Variants in NAA16 observed in about 807,000 individuals in gnomAD.
NAA16 encodes the protein N-alpha-acetyltransferase 16, NatA auxiliary subunit, also known as NARG1-like protein.
In NAA16, 97 loss-of-function variants were observed where a neutral mutation model predicts 110.3. That is an observed-to-expected ratio of 0.88 (90% CI 0.75 to 1.04). The LOEUF (loss-of-function observed/expected upper bound fraction) is 1.04, where lower values mean the gene tolerates loss of function less well. Ranked by LOEUF, NAA16 falls within the 50% of genes least tolerant of loss-of-function variation. NAA16 has a pLI of 0.00. For synonymous variants in NAA16, 372 were observed against 330.6 expected (o/e 1.13, Z -1.36); for missense variants, 1,017 against 1,005.1 (o/e 1.01, Z -0.16).
Position 41,311,492 on chromosome 13 carries a change from C to G in NAA16, c.-37C>G. ...CGAAGCGGAGCGCCCGGGCACCTAG[C>G]CTCCCTGCCGGCCACCTAGCCTCCC... On this transcript the variant is annotated 5_prime_UTR_variant, in exon 1 of 20. Coordinates refer to ENST00000379406, the MANE Select transcript of NAA16 (RefSeq NM_024561.5). 4 of 1,570,424 alleles carry G rather than the reference C, an allele frequency of 2.5e-6. No individual in the cohort carries two copies. The highest frequency in any genetic ancestry group is 3.5e-6 in the Non-Finnish European group (4 of 1,158,256).
intron 6 of NAA16, among the ~76,000 whole-genome samples, chr13:41,327,270 C>G (rs1393158618): frequency 6.6e-6 from 1 of 151,990 alleles, no homozygotes; most frequent in Admixed American, 6.6e-5. Flanking sequence ...ATTCTGGTTT[C>G]TATCTTGTTC....
chr13:41,324,088 T>C (rs1268601281), intron 5 of NAA16, among the ~76,000 whole-genome samples: 1 of 152,218 alleles, frequency 6.6e-6, no homozygotes, highest in Non-Finnish European at 1.5e-5. Context: ...GTATCTTCTA[T>C]TTATGGGTTT....
At chr13:41,357,566 A>G (rs2043018898) in intron 10 of NAA16, among the ~76,000 whole-genome samples, 1 of 152,118 alleles carries the variant, frequency 6.6e-6, no homozygotes, top group Non-Finnish European at 1.5e-5. Flanking sequence ...TATGCTAGGA[A>G]ACCTGTTTGT....
At chr13:41,374,455 G>C (rs1335185944) in intron 18 of NAA16, 1 of 219,358 alleles carries the variant, frequency 4.6e-6, no homozygotes, top group Non-Finnish European at 9.0e-6. Flanking sequence ...TTGAGTCACT[G>C]TCCATCTGAT....
At chr13:41,349,702 C>T (rs8001452) in intron 9 of NAA16, among the ~76,000 whole-genome samples, 108,532 of 151,938 alleles carry the variant, frequency 0.71, 41,151 homozygotes, top group South Asian at 0.9. Context: ...TGGTGGCTCA[C>T]GCCTGTAATA....
chr13:41,358,217 A>G, intron 10 of NAA16, 87 bp from the exon 11 acceptor site: 1 of 1,115,066 alleles, frequency 9.0e-7, no homozygotes, highest in South Asian at 1.5e-5. Flanking sequence ...TTATTGCAAT[A>G]GTCATTTCAT....
rs1351325294 is a variant in NAA16 at position 41,375,703 on chromosome 13, G to T, written c.*101G>T. 12 of 904,296 alleles carry T rather than the reference G, an allele frequency of 1.3e-5. No homozygotes were observed. The highest frequency in any genetic ancestry group is 2.5e-4 in the Middle Eastern group (1 of 4,002). The allele number at this position is 904,296 out of a possible 1,614,324, so 56.0% of individuals were successfully genotyped here. A position where few individuals can be genotyped will look rare whatever the true frequency, so the allele number is the denominator to read the frequency against. On this transcript the variant is annotated 3_prime_UTR_variant, in exon 20 of 20. Transcript: ENST00000379406. ...ATATACGTATGAAATGAAATATTTG[G>T]TTAGGATTTTTAAATGGCATATTCT... is the stretch of plus-strand genomic sequence containing the variant.
chr13:41,339,283 G>A (rs2042467411), intron 9 of NAA16, among the ~76,000 whole-genome samples: 1 of 152,050 alleles, frequency 6.6e-6, no homozygotes, highest in Admixed American at 6.6e-5. Flanking sequence ...GGGATTACAG[G>A]CATGTGCCAC....
chr13:41,339,238 C>A (rs2042465858), intron 9 of NAA16, among the ~76,000 whole-genome samples: 1 of 152,090 alleles, frequency 6.6e-6, no homozygotes, highest in Admixed American at 6.5e-5. Flanking sequence ...CCTCCCAATT[C>A]AAGCAAATCT....
Position 41,311,733 on chromosome 13 carries a change from C to G in NAA16, c.54+151C>G, listed in dbSNP as rs996840496. On this transcript the variant is annotated intron_variant, in intron 1 of 19. Transcript: ENST00000379406. ...CTCGGAGGTCGCGGGACCCCACTTT[C>G]CCGCTCCGGCCGGCCCACGGGGGCT... is the stretch of plus-strand genomic sequence containing the variant. 4 of 711,118 alleles carry G rather than the reference C, an allele frequency of 5.6e-6. No individual in the cohort carries two copies. The African/African-American group carries it at 5.7e-5, about 10-fold the overall frequency. The allele number at this position is 711,118 out of a possible 1,614,324, so 44.1% of individuals were successfully genotyped here. A position where few individuals can be genotyped will look rare whatever the true frequency, so the allele number is the denominator to read the frequency against.
chr13:41,365,834 C>T (rs2043197291), intron 13 of NAA16, among the ~76,000 whole-genome samples: 1 of 152,162 alleles, frequency 6.6e-6, no homozygotes, highest in Non-Finnish European at 1.5e-5. Flanking sequence ...AAATCTCTGT[C>T]TATTAATGCT....
chr13:41,375,714 T>A lies in NAA16; in HGVS notation c.*112T>A. 1 of 771,938 alleles carries A rather than the reference T, an allele frequency of 1.3e-6. No homozygotes were observed. Among genetic ancestry groups the A allele is most frequent in the Non-Finnish European group, 2.0e-6 (1 of 497,144 alleles). The allele number at this position is 771,938 out of a possible 1,614,324, so 47.8% of individuals were successfully genotyped here. ...AAATGAAATATTTGGTTAGGATTTT[T>A]AAATGGCATATTCTGTAAGCTTATT... On this transcript the variant is annotated 3_prime_UTR_variant, in exon 20 of 20. Transcript: ENST00000379406.
intron 9 of NAA16, among the ~76,000 whole-genome samples, chr13:41,343,695 AATTTT>A (rs2042612698): frequency 6.6e-6 from 1 of 152,008 alleles, no homozygotes; most frequent in Admixed American, 6.6e-5. Flanking sequence ...ACACCCGGCT[AATTTT>A]ATTTTATTTT....
chr13:41,313,647 T>C (rs1248837252), intron 1 of NAA16, among the ~76,000 whole-genome samples: 1 of 152,224 alleles, frequency 6.6e-6, no homozygotes, highest in African/African-American at 2.4e-5. Flanking sequence ...TCCACGTGGC[T>C]TGTATCTGCA....
intron 15 of NAA16, among the ~76,000 whole-genome samples, chr13:41,370,921 T>G (rs1417167844): frequency 6.6e-6 from 1 of 152,180 alleles, no homozygotes; most frequent in Non-Finnish European, 1.5e-5. Context: ...GCCATCATTG[T>G]TAACAGAAAA....
rs566242272 is a variant in NAA16 at position 41,360,296 on chromosome 13, T to C, written c.1410+1334T>C. Among the ~76,000 whole-genome samples, 5 of 152,264 alleles carry C rather than the reference T, an allele frequency of 3.3e-5. No individual in the cohort carries two copies. The South Asian group carries it at 1.0e-3, about 32-fold the overall frequency. ...GAAATGCTCATTGGAGCATTTTGGA[T>C]TTTGGATTTTTGGGTTTGGGATCGC... On this transcript the variant is annotated intron_variant, in intron 12 of 19. Coordinates refer to ENST00000379406, the MANE Select transcript of NAA16 (RefSeq NM_024561.5).
rs142294170 is a variant in NAA16 at position 41,369,192 on chromosome 13, G to A, written c.1856G>A (p.Arg619His). ...GAAAGAAAGCATGCAGAAAGAGAACGTCAACAGAAAAATCAAAAGAAAAAA... is the reference window on the plus strand; with the variant it reads ...GAAAGAAAGCATGCAGAAAGAGAACATCAACAGAAAAATCAAAAGAAAAAA... ...EEERKHAERERQQKNQKKKRD... is the reference protein window; with the variant it reads ...EEERKHAEREHQQKNQKKKRD... Residue 619 changes from arginine (R) to histidine (H), a missense_variant, in exon 15 of 20, where the codon CGT becomes CAT. By Grantham distance (29) the Arg-to-His change is conservative. Coordinates refer to ENST00000379406, the MANE Select transcript of NAA16 (RefSeq NM_024561.5). 40 of 1,589,992 alleles carry A rather than the reference G, an allele frequency of 2.5e-5. No individual in the cohort carries two copies. The highest frequency in any genetic ancestry group is 1.7e-4 in the South Asian group (15 of 86,274).
chr13:41,370,547 A>G (rs1442835526), intron 15 of NAA16, among the ~76,000 whole-genome samples: 2 of 152,212 alleles, frequency 1.3e-5, no homozygotes, highest in Non-Finnish European at 2.9e-5. Flanking sequence ...AACAGCTGCC[A>G]GTCTTTCGGT....
Position 41,311,498 on chromosome 13 carries a change from T to A in NAA16, c.-31T>A, listed in dbSNP as rs2041555906. On this transcript the variant is annotated 5_prime_UTR_variant, in exon 1 of 20. Transcript: ENST00000379406. The stretch of plus-strand genomic sequence containing the variant: ...GGAGCGCCCGGGCACCTAGCCTCCC[T>A]GCCGGCCACCTAGCCTCCCTGCCGG... The A allele has an allele frequency of 1.3e-6, 2 of 1,577,282 alleles. No homozygotes were observed. The highest frequency in any genetic ancestry group is 2.3e-5 in the East Asian group (1 of 43,004).
Sources: gnomAD v4.1 joint callset for allele counts (sites outside exome capture counted in the v4.1 genomes callset) on GRCh38, gnomAD v4.1.1 for gene constraint, MANE v1.5 for transcripts, NCBI Gene and HGNC (gene_info 2026-07-23, HGNC 2026-07-21) for gene names.